KANSL2: variants seen among roughly 807,000 people sequenced by gnomAD.
The protein encoded by KANSL2 is KAT8 regulatory NSL complex subunit 2.
Under a neutral mutation model 55.6 loss-of-function variants are expected in KANSL2, and 34 were observed. That is an observed-to-expected ratio of 0.61 (90% confidence interval 0.46 to 0.81). KANSL2 has a LOEUF of 0.81. Ranked by LOEUF, KANSL2 falls within the 40% of genes least tolerant of loss-of-function variation. The pLI is 0.00. For synonymous variants in KANSL2, 209 were observed against 214.3 expected (o/e 0.98, Z 0.22); for missense variants, 502 against 609.9 (o/e 0.82, Z 1.86).
At chr12:48,663,334 A>G (rs1236788736) in intron 7 of KANSL2, among the ~76,000 whole-genome samples, 1 of 152,246 alleles carries the variant, frequency 6.6e-6, no homozygotes, top group Admixed American at 6.5e-5. Context: ...CAATTTCACC[A>G]TACTCTCACC....
intron 8 of KANSL2, among the ~76,000 whole-genome samples, chr12:48,655,613 G>C (rs1282140760): frequency 6.6e-6 from 1 of 151,726 alleles, no homozygotes; most frequent in African/African-American, 2.4e-5. Context: ...ACACAAAGTA[G>C]AAACGGAGAA....
chr12:48,660,198 G>T (rs1939462605), intron 8 of KANSL2, among the ~76,000 whole-genome samples, 168 bp downstream of exon 8: 1 of 151,958 alleles, frequency 6.6e-6, no homozygotes, highest in African/African-American at 2.4e-5. Context: ...TATAAGGTAG[G>T]GTAGATTTCT....
At chr12:48,675,249 G>A (rs10875858) in intron 4 of KANSL2, among the ~76,000 whole-genome samples, 81,843 of 149,744 alleles carry the variant, frequency 0.55, 23,187 homozygotes, top group East Asian at 0.76. Context: ...ACAAAAAAAA[G>A]AAAGAAATTA....
In KANSL2 at chr12:48,679,770, C is replaced by T. The variant is rs767239069; in HGVS notation, c.315G>A (p.Lys105=). 4 of 1,609,458 alleles carry T rather than the reference C, an allele frequency of 2.5e-6. No homozygotes were observed. Among genetic ancestry groups the T allele is most frequent in the South Asian group, 2.2e-5 (2 of 90,020 alleles). ...NALALHAQMK[K]TNPGPVGETL... The stretch of plus-strand genomic sequence containing the variant: ...TTTCACCCACAGGCCCTGGGTTGGT[C>T]TTCTTCATTTGAGCATGAAGTGCCA... Residue 105 remains lysine (K), a synonymous_variant, in exon 3 of 10, where the codon AAG becomes AAA. Coordinates refer to ENST00000420613, the MANE Select transcript of KANSL2 (RefSeq NM_017822.4).
intron 7 of KANSL2, among the ~76,000 whole-genome samples, chr12:48,664,905 G>A (rs1419686271): frequency 2.7e-4 from 16 of 58,774 alleles, no homozygotes; most frequent in African/African-American, 8.4e-4. Context: ...TTTTTTTTTA[G>A]AGACAGGGTT....
intron 5 of KANSL2, among the ~76,000 whole-genome samples, chr12:48,671,188 C>T (rs1384147341): frequency 1.3e-5 from 2 of 150,770 alleles, no homozygotes; most frequent in African/African-American, 4.9e-5. Flanking sequence ...CTGCTTGAAC[C>T]TAGGAAGCAG....
At chr12:48,679,214 C>T (rs1252477786) in intron 3 of KANSL2, 64 bp from the exon 4 acceptor site, 1 of 1,052,054 alleles carries the variant, frequency 9.5e-7, no homozygotes, top group Non-Finnish European at 1.5e-6. Flanking sequence ...CCACACAAAA[C>T]TAGATTACTT....
In KANSL2 at chr12:48,671,889, A is replaced by C; in HGVS notation, c.619T>G (p.Tyr207Asp). The change falls in exon 5 of 10, where the codon TAT becomes GAT. Residue 207 changes from tyrosine to aspartate, a missense_variant. Coordinates refer to ENST00000420613, the MANE Select transcript of KANSL2 (RefSeq NM_017822.4). ...TGAAGTCGTTTAAACTGATCAATAT[A>C]CAACGACTGCAAACGAATTAGCTTT... ...REKLIRLQSL[Y>D]IDQFKRLQHL... The C allele has an allele frequency of 6.2e-7, 1 of 1,612,484 alleles. No homozygotes were observed. The highest frequency in any genetic ancestry group is 8.5e-7 in the Non-Finnish European group (1 of 1,178,760).
intron 5 of KANSL2, among the ~76,000 whole-genome samples, chr12:48,669,666 C>T (rs941155156): frequency 2.0e-5 from 3 of 151,790 alleles, no homozygotes; most frequent in East Asian, 3.9e-4. Context: ...TACAGGTGCC[C>T]GCCACCACGC....
intron 4 of KANSL2, among the ~76,000 whole-genome samples, chr12:48,678,576 C>T (rs890087614): frequency 1.3e-5 from 2 of 152,210 alleles, no homozygotes; most frequent in Admixed American, 1.3e-4. Context: ...GTACCCCATA[C>T]ATTGTACAAT....
At chr12:48,680,088 C>G (rs1345656351) in intron 2 of KANSL2, 1 of 398,622 alleles carries the variant, frequency 2.5e-6, no homozygotes, top group East Asian at 4.7e-5. Context: ...GGGATTGGGT[C>G]TTGCTCTGTT....
chr12:48,660,887 C>T (rs748216868), intron 7 of KANSL2, among the ~76,000 whole-genome samples: 23 of 152,192 alleles, frequency 1.5e-4, no homozygotes, highest in Non-Finnish European at 2.8e-4. Flanking sequence ...AAACTAGACA[C>T]CATCCCATTC....
intron 7 of KANSL2, chr12:48,662,624 A>T: frequency 7.8e-7 from 1 of 1,287,982 alleles, no homozygotes; most frequent in Non-Finnish European, 1.0e-6. Context: ...GTAAAGAGTT[A>T]ACAGGTCACC....
At position 48,681,270 on chromosome 12, in the gene KANSL2, C is replaced by A. The variant is rs1939920547; in HGVS notation, c.251+112G>T. The A allele has an allele frequency of 1.1e-5, 14 of 1,289,076 alleles. No individual in the cohort carries two copies. In the South Asian group the frequency reaches 2.2e-4, roughly 20 times the overall value. 79.9% of individuals were successfully genotyped at this position (1,289,076 alleles called of 1,614,324 possible). On this transcript the variant is annotated intron_variant, in intron 2 of 9. Coordinates refer to ENST00000420613, the MANE Select transcript of KANSL2 (RefSeq NM_017822.4). ...CAGTTTTCCAAGGATACAACCATAA[C>A]CCCAAATTTACAAGGACAAAATCTC...
chr12:48,673,814 G>C (rs931276935), intron 4 of KANSL2, among the ~76,000 whole-genome samples: 2 of 151,970 alleles, frequency 1.3e-5, no homozygotes, highest in African/African-American at 4.8e-5. Flanking sequence ...AGCTGGGCAC[G>C]GTGGTGTATA....
intron 4 of KANSL2, among the ~76,000 whole-genome samples, chr12:48,673,797 A>T (rs1040166690): frequency 2.6e-5 from 4 of 151,868 alleles, no homozygotes; most frequent in Admixed American, 6.6e-5. Context: ...CAAAAAATAC[A>T]AAAGTTAGCT....
chr12:48,667,367 C>G (rs2137188990), intron 7 of KANSL2: 1 of 323,130 alleles, frequency 3.1e-6, no homozygotes, highest in Non-Finnish European at 6.1e-6. Flanking sequence ...AATCAGAAAC[C>G]TTGAGACAAT....
intron 7 of KANSL2, 59 bp from the exon 8 acceptor site, chr12:48,660,678 T>C (rs1045233934): frequency 3.0e-5 from 46 of 1,514,474 alleles, no homozygotes; most frequent in Non-Finnish European, 3.9e-5. Flanking sequence ...AAAATACAAA[T>C]AGCATTGTCT....
At chr12:48,662,397 G>A (rs1043160283) in intron 7 of KANSL2, among the ~76,000 whole-genome samples, 3 of 152,156 alleles carry the variant, frequency 2.0e-5, no homozygotes, top group Non-Finnish European at 4.4e-5. Context: ...GAGCCACCAC[G>A]CCTGGCCAAG....
Sources: allele counts gnomAD v4.1 joint callset (sites outside exome capture counted in the v4.1 genomes callset), GRCh38; gene constraint gnomAD v4.1.1; transcripts MANE v1.5; gene names NCBI Gene and HGNC (gene_info 2026-07-23, HGNC 2026-07-21).